The following DDX19B variants were observed in gnomAD, a reference collection of about 807,000 sequenced individuals.
DDX19B encodes DEAD-box helicase 19B, also known as ATP-dependent RNA helicase DDX19B.
In DDX19B, 27 loss-of-function variants were observed where a neutral mutation model predicts 58.1. The ratio of observed to expected loss-of-function variants is 0.46; its 90% confidence interval spans 0.34 to 0.64. The LOEUF (loss-of-function observed/expected upper bound fraction) is 0.64. Ranked by LOEUF, DDX19B falls within the 30% of genes least tolerant of loss-of-function variation. The probability of loss-of-function intolerance (pLI) is 0.01; values close to 1 mark genes in which losing one functional copy is unlikely to be tolerated. For synonymous variants in DDX19B, 187 were observed against 214.4 expected (o/e 0.87, Z 1.12); for missense variants, 399 against 596.5 (o/e 0.67, Z 3.45).
intron 5 of DDX19B, chr16:70,317,830 A>G (rs2152201485): frequency 7.2e-6 from 2 of 276,766 alleles, no homozygotes; most frequent in East Asian, 8.1e-5. Flanking sequence ...CTGTAGTCCC[A>G]GCTACTCAGG....
At chr16:70,312,001 C>T (rs2152194757) in intron 1 of DDX19B, among the ~76,000 whole-genome samples, 1 of 152,152 alleles carries the variant, frequency 6.6e-6, no homozygotes, top group Admixed American at 6.6e-5. Context: ...ACCGCCACGC[C>T]CAGCTAATTT....
At chr16:70,328,286 G>T (rs1271918515) in intron 7 of DDX19B, among the ~76,000 whole-genome samples, 1 of 151,782 alleles carries the variant, frequency 6.6e-6, no homozygotes, top group Non-Finnish European at 1.5e-5. Context: ...AAATAATACA[G>T]TGAAACTTAT....
At chr16:70,297,203 C>T (rs931433361), upstream of DDX19B, among the ~76,000 whole-genome samples, 14 of 148,656 alleles carry the variant, frequency 9.4e-5, no homozygotes, top group Admixed American at 4.0e-4. Context: ...TGCAAGCCAC[C>T]GTGCCCAGTC....
chr16:70,330,804 G>A (rs1963443014), intron 9 of DDX19B, among the ~76,000 whole-genome samples: 2 of 151,936 alleles, frequency 1.3e-5, no homozygotes, highest in African/African-American at 4.8e-5. Context: ...AGCCTTTTGA[G>A]AGGCTGAGGT....
At chr16:70,294,666 C>T (rs1012105014), upstream of DDX19B, 9 of 457,774 alleles carry the variant, frequency 2.0e-5, no homozygotes, top group Admixed American at 1.2e-4. Flanking sequence ...AAACAAAGCC[C>T]TCTGCGGGAG....
Position 70,325,698 on chromosome 16 carries a change from T to C in DDX19B, c.607+10T>C, listed in dbSNP as rs1467792642. 6.3e-7 allele frequency: 1 copy of C among 1,582,784 alleles called. No homozygotes were observed. Among genetic ancestry groups the C allele is most frequent in the Non-Finnish European group, 8.7e-7 (1 of 1,154,004 alleles). ...GTTCGAGGCAATAAATGTGAGTATGTGAATTTGGTCCTAAATCATCAACCT... is the reference window on the plus strand; with the variant it reads ...GTTCGAGGCAATAAATGTGAGTATGCGAATTTGGTCCTAAATCATCAACCT... On this transcript the variant is annotated intron_variant, in intron 7 of 11. Transcript: ENST00000288071.
intron 1 of DDX19B, among the ~76,000 whole-genome samples, chr16:70,306,239 C>T (rs1268208316): frequency 6.6e-6 from 1 of 152,044 alleles, no homozygotes; most frequent in African/African-American, 2.4e-5. Context: ...GCACCCTTGA[C>T]CTCCCAGGCT....
At chr16:70,316,549 T>C (rs1189923427) in intron 4 of DDX19B, among the ~76,000 whole-genome samples, 4 of 152,168 alleles carry the variant, frequency 2.6e-5, no homozygotes, top group Non-Finnish European at 4.4e-5. Flanking sequence ...GGTGCCGTAG[T>C]GCACACCTGT....
chr16:70,303,971 T>C (rs1377029755), intron 1 of DDX19B, among the ~76,000 whole-genome samples: 1 of 152,212 alleles, frequency 6.6e-6, no homozygotes, highest in Non-Finnish European at 1.5e-5. Flanking sequence ...GTTTTAAATT[T>C]TACATTTATG....
At chr16:70,295,774 T>C (rs1410278593), upstream of DDX19B, among the ~76,000 whole-genome samples, 1 of 151,928 alleles carries the variant, frequency 6.6e-6, no homozygotes, top group Non-Finnish European at 1.5e-5. Context: ...CAGAGGCAGG[T>C]GAACCTCTTG....
At chr16:70,289,856 G>C (rs1047436380), upstream of DDX19B, 1 of 399,428 alleles carries the variant, frequency 2.5e-6, no homozygotes, top group Non-Finnish European at 5.0e-6. Flanking sequence ...AGACGGTAAC[G>C]TGTTTGGTAG....
intron 1 of DDX19B, among the ~76,000 whole-genome samples, chr16:70,312,004 G>T (rs1284129901): frequency 6.6e-6 from 1 of 152,050 alleles, no homozygotes; most frequent in African/African-American, 2.4e-5. Flanking sequence ...GCCACGCCCA[G>T]CTAATTTTTG....
chr16:70,303,612 A>G (rs1174274963), intron 1 of DDX19B, among the ~76,000 whole-genome samples: 1 of 152,188 alleles, frequency 6.6e-6, no homozygotes, highest in African/African-American at 2.4e-5. Context: ...GCTGGAGTGC[A>G]GTGGTGCCAT....
In DDX19B at chr16:70,333,160, G is replaced by GT; in HGVS notation, c.1378+2dup. 3.5e-6 allele frequency: 5 copies of GT among 1,428,374 alleles called. No homozygotes were observed. The highest frequency in any genetic ancestry group is 4.7e-6 in the Non-Finnish European group (5 of 1,055,152). The allele number at this position is 1,428,374 out of a possible 1,614,324, so 88.5% of individuals were successfully genotyped here. A position where few individuals can be genotyped will look rare whatever the true frequency, so the allele number is the denominator to read the frequency against. On this transcript the variant is annotated splice_donor_variant, in intron 11 of 11. Coordinates refer to ENST00000288071, the MANE Select transcript of DDX19B (RefSeq NM_007242.7). LOFTEE classifies it high-confidence loss of function. Reference sequence around the variant, plus strand: ...CTGAACAGAATCCAGGAGCATTTTAGTGAGTCCCGGGGAGGGTCCTGTGCC... The same window carrying GT: ...CTGAACAGAATCCAGGAGCATTTTAGTTGAGTCCCGGGGAGGGTCCTGTGCC...
At position 70,305,539 on chromosome 16, in the gene DDX19B, T is replaced by C. The variant is rs538387942; in HGVS notation, c.57+6185T>C. 2.0e-5 allele frequency among the ~76,000 whole-genome samples: 3 copies of C among 152,306 alleles called. No individual in the cohort carries two copies. The South Asian group carries it at 6.2e-4, about 32-fold the overall frequency. On this transcript the variant is annotated intron_variant, in intron 1 of 11. Coordinates refer to ENST00000288071, the MANE Select transcript of DDX19B (RefSeq NM_007242.7). ...CTTTACTGTTTTATTAAATATATTA[T>C]GTACATTGTAAAGCAAATAAAAAAG... is the stretch of plus-strand genomic sequence containing the variant.
At chr16:70,308,143 G>C (rs1961866602) in intron 1 of DDX19B, among the ~76,000 whole-genome samples, 1 of 151,850 alleles carries the variant, frequency 6.6e-6, no homozygotes. Flanking sequence ...AGTAGAGACA[G>C]GTTTTCACCA....
chr16:70,327,350 T>C (rs1156617551), intron 7 of DDX19B, among the ~76,000 whole-genome samples: 1 of 151,750 alleles, frequency 6.6e-6, no homozygotes, highest in Non-Finnish European at 1.5e-5. Flanking sequence ...CTGGCCAACA[T>C]GGTGAAACCC....
In DDX19B at chr16:70,334,729, C is replaced by G. The variant is rs1348532170; in HGVS notation, c.*1147C>G. ...TCCAAGGCAAGAGTATCACCAAGGC[C>G]TTTGCTCCAGCCTTACTTGGCATCT... On this transcript the variant is annotated 3_prime_UTR_variant, in exon 12 of 12. Coordinates refer to ENST00000288071, the MANE Select transcript of DDX19B (RefSeq NM_007242.7). 2.0e-5 allele frequency: 3 copies of G among 152,238 alleles called. No homozygotes were observed. The highest frequency in any genetic ancestry group is 4.4e-5 in the Non-Finnish European group (3 of 68,058). 9.4% of individuals were successfully genotyped at this position (152,238 alleles called of 1,614,324 possible).
intron 3 of DDX19B, 42 bp downstream of exon 3, chr16:70,314,997 A>G: frequency 6.3e-7 from 1 of 1,590,166 alleles, no homozygotes; most frequent in Non-Finnish European, 8.6e-7. Context: ...AAGCTTCTAC[A>G]TTCTAAGAAA....
Sources: gnomAD v4.1 joint callset for allele counts (sites outside exome capture counted in the v4.1 genomes callset) on GRCh38, gnomAD v4.1.1 for gene constraint, MANE v1.5 for transcripts, NCBI Gene and HGNC (gene_info 2026-07-23, HGNC 2026-07-21) for gene names.